CDC42BPA: variants seen among roughly 807,000 people sequenced by gnomAD.
CDC42BPA encodes serine/threonine-protein kinase MRCK alpha.
In CDC42BPA, 80 loss-of-function variants were observed where a neutral mutation model predicts 223.5. The observed-to-expected ratio is 0.36, with a 90% CI of 0.30 to 0.43. CDC42BPA has a LOEUF of 0.43. CDC42BPA is among the 20% of genes least tolerant of loss of function. CDC42BPA has a pLI of 1.00. For missense variants in CDC42BPA, 1,743 were observed against 2,099.9 expected (o/e 0.83, Z 3.32); for synonymous variants, 694 against 718.6 (o/e 0.97, Z 0.55).
intron 16 of CDC42BPA, among the ~76,000 whole-genome samples, chr1:227,084,738 A>T (rs1041695853): frequency 6.6e-6 from 1 of 152,016 alleles, no homozygotes; most frequent in African/African-American, 2.4e-5. Flanking sequence ...ATCTATTTAC[A>T]GGTTTTTAGG....
chr1:227,074,222 A>T, intron 18 of CDC42BPA, 37 bp downstream of exon 18: 1 of 1,476,530 alleles, frequency 6.8e-7, no homozygotes, highest in Admixed American at 1.9e-5. Context: ...CTTTTTTCTA[A>T]TATGATAAGC....
At chr1:227,201,859 A>T in intron 3 of CDC42BPA, among the ~76,000 whole-genome samples, 1 of 151,812 alleles carries the variant, frequency 6.6e-6, no homozygotes, top group Non-Finnish European at 1.5e-5. Context: ...CTTAATGGCT[A>T]CACCATATTC....
chr1:227,182,623 T>C (rs1289692366), intron 5 of CDC42BPA, among the ~76,000 whole-genome samples: 2 of 152,216 alleles, frequency 1.3e-5, no homozygotes, highest in Non-Finnish European at 2.9e-5. Context: ...AGTGTTAGAC[T>C]AGACCTTATT....
rs528332021 is a variant in CDC42BPA at position 227,257,310 on chromosome 1, T to C, written c.179-3155A>G. Among the ~76,000 whole-genome samples, 4 of 144,692 alleles carry C rather than the reference T, an allele frequency of 2.8e-5. No homozygotes were observed. The South Asian group carries it at 8.3e-4, about 30-fold the overall frequency. The allele number at this position is 144,692 out of a possible 152,430, so 94.9% of individuals were successfully genotyped here. A position where few individuals can be genotyped will look rare whatever the true frequency, so the allele number is the denominator to read the frequency against. On this transcript the variant is annotated intron_variant, in intron 1 of 36. Transcript: ENST00000366766. ...AATATAATTTAATGCCACTGAATTGTACATGTAAAAGTGGTCAAAATGGCA... is the reference window on the plus strand; with the variant it reads ...AATATAATTTAATGCCACTGAATTGCACATGTAAAAGTGGTCAAAATGGCA...
chr1:227,059,559 G>C, intron 21 of CDC42BPA: 1 of 719,228 alleles, frequency 1.4e-6, no homozygotes, highest in Non-Finnish European at 2.3e-6. Flanking sequence ...GTATTTTTAG[G>C]AAAAACTGGA....
intron 12 of CDC42BPA, among the ~76,000 whole-genome samples, chr1:227,117,825 T>C (rs1383214747): frequency 6.6e-6 from 1 of 151,764 alleles, no homozygotes; most frequent in African/African-American, 2.4e-5. Context: ...AATAAAAAGA[T>C]TCCTAAAAGC....
At chr1:227,051,812 G>T in intron 22 of CDC42BPA, 69 bp downstream of exon 22, 1 of 870,272 alleles carries the variant, frequency 1.1e-6, no homozygotes, top group Non-Finnish European at 1.8e-6. Context: ...AGACAGACTT[G>T]TTTTATTCAA....
At chr1:227,264,111 T>G (rs1299603697) in intron 1 of CDC42BPA, among the ~76,000 whole-genome samples, 1 of 152,254 alleles carries the variant, frequency 6.6e-6, no homozygotes, top group Non-Finnish European at 1.5e-5. Flanking sequence ...CTTTGTCTTA[T>G]TTTGAATATA....
At chr1:227,181,228 GAT>G (rs1202781241) in intron 5 of CDC42BPA, among the ~76,000 whole-genome samples, 1 of 152,024 alleles carries the variant, frequency 6.6e-6, no homozygotes, top group Non-Finnish European at 1.5e-5. Flanking sequence ...TTGAAAAAAA[GAT>G]ATGACTGCCA....
chr1:227,262,018 C>G (rs2148373154), intron 1 of CDC42BPA, among the ~76,000 whole-genome samples: 1 of 151,998 alleles, frequency 6.6e-6, no homozygotes, highest in Non-Finnish European at 1.5e-5. Flanking sequence ...CCAGAAAAAT[C>G]TACCTCAGTC....
At chr1:227,291,557 A>G (rs1689700880) in intron 1 of CDC42BPA, among the ~76,000 whole-genome samples, 1 of 152,132 alleles carries the variant, frequency 6.6e-6, no homozygotes, top group East Asian at 1.9e-4. Context: ...TCAAAAATTA[A>G]AAACAAAAAC....
chr1:227,288,032 T>C (rs572785797), intron 1 of CDC42BPA, among the ~76,000 whole-genome samples: 10 of 152,326 alleles, frequency 6.6e-5, no homozygotes, highest in Admixed American at 2.0e-4. Context: ...TTCCCTTTGT[T>C]GATTTTGCTT....
chr1:226,996,586 G>A (rs1661657983), intron 35 of CDC42BPA, among the ~76,000 whole-genome samples: 2 of 152,120 alleles, frequency 1.3e-5, no homozygotes, highest in African/African-American at 2.4e-5. Flanking sequence ...CATTCGGTAT[G>A]ATATTGGCTG....
At chr1:227,016,845 T>C in intron 33 of CDC42BPA, 82 bp downstream of exon 33, 1 of 1,364,544 alleles carries the variant, frequency 7.3e-7, no homozygotes, top group South Asian at 1.9e-5. Flanking sequence ...CAATTTTCCT[T>C]CCAAATCAAA....
intron 5 of CDC42BPA, among the ~76,000 whole-genome samples, chr1:227,192,742 A>T (rs907057075): frequency 7.9e-5 from 12 of 152,130 alleles, no homozygotes; most frequent in African/African-American, 1.2e-4. Context: ...TATTTTTAAA[A>T]TTTTTAAATA....
At chr1:227,113,053 G>T in intron 12 of CDC42BPA, 140 bp from the exon 13 acceptor site, 2 of 747,684 alleles carry the variant, frequency 2.7e-6, no homozygotes, top group African/African-American at 1.8e-5. Flanking sequence ...AACTACTTCT[G>T]AACAGATATT....
intron 6 of CDC42BPA, among the ~76,000 whole-genome samples, chr1:227,157,085 A>C (rs1165396295): frequency 6.6e-6 from 1 of 152,182 alleles, no homozygotes; most frequent in Non-Finnish European, 1.5e-5. Context: ...TTACTTCTAC[A>C]TGTCATAAAC....
intron 30 of CDC42BPA, among the ~76,000 whole-genome samples, chr1:227,028,201 A>AC (rs1668626364): frequency 6.6e-6 from 1 of 152,144 alleles, no homozygotes; most frequent in African/African-American, 2.4e-5. Flanking sequence ...ATAAATATCT[A>AC]CCCATCTAGA....
At chr1:227,274,050 T>C (rs1031918220) in intron 1 of CDC42BPA, among the ~76,000 whole-genome samples, 5 of 146,166 alleles carry the variant, frequency 3.4e-5, no homozygotes, top group Non-Finnish European at 4.5e-5. Context: ...CCCTGTAAAT[T>C]TGAGAGAAAT....
Sources: gnomAD v4.1 joint callset for allele counts (sites outside exome capture counted in the v4.1 genomes callset) on GRCh38, gnomAD v4.1.1 for gene constraint, MANE v1.5 for transcripts, NCBI Gene and HGNC (gene_info 2026-07-23, HGNC 2026-07-21) for gene names.